Variants in EEPD1 observed in about 807,000 individuals in gnomAD.
The protein encoded by EEPD1 is endonuclease/exonuclease/phosphatase family domain containing 1.
A neutral mutation model predicts 46.3 loss-of-function variants in EEPD1; 17 were observed. That is an observed-to-expected ratio of 0.37 (90% CI 0.25 to 0.55). The LOEUF (loss-of-function observed/expected upper bound fraction) is 0.55. Ranked by LOEUF, EEPD1 falls within the 20% of genes least tolerant of loss-of-function variation. EEPD1 has a pLI of 0.83. For synonymous variants in EEPD1, 313 were observed against 315.6 expected, an observed-to-expected ratio of 0.99 and a Z score of 0.09; for missense variants, 673 against 745.6, an observed-to-expected ratio of 0.90 and a Z score of 1.13.
chr7:36,165,745 C>CATACTTAGAA (rs1784973118), intron 2 of EEPD1, among the ~76,000 whole-genome samples: 1 of 151,860 alleles, frequency 6.6e-6, no homozygotes, highest in Non-Finnish European at 1.5e-5. Flanking sequence ...CCCTAATGAT[C>CATACTTAGAA]CATTTCTTAG....
intron 2 of EEPD1, among the ~76,000 whole-genome samples, chr7:36,222,844 T>A (rs1470404279): frequency 6.6e-6 from 1 of 152,172 alleles, no homozygotes; most frequent in African/African-American, 2.4e-5. Flanking sequence ...CCTCACCTCC[T>A]AATGCCATCA....
At chr7:36,166,555 TACAA>T (rs36105929) in intron 2 of EEPD1, among the ~76,000 whole-genome samples, 42 of 151,698 alleles carry the variant, frequency 2.8e-4, no homozygotes, top group African/African-American at 9.7e-4. Flanking sequence ...ACCCCTTCTC[TACAA>T]ACAAACAAAC....
chr7:36,287,765 GA>G lies in EEPD1; in HGVS notation c.1306del (p.Thr436ProfsTer2). The G allele has an allele frequency of 6.2e-7, 1 of 1,613,906 alleles. No individual in the cohort carries two copies. Among genetic ancestry groups the G allele is most frequent in the Non-Finnish European group, 8.5e-7 (1 of 1,179,854 alleles). ...GGCGAGCTTTGCACAGACCCTACAG[GA>G]AACCCTGAAAGGTAGGACATTGTCT... ...RLASFAQTLQ[E>X]TLKGEKDVII... On this transcript the variant is annotated frameshift_variant, in exon 6 of 8. Coordinates refer to ENST00000242108, the MANE Select transcript of EEPD1 (RefSeq NM_030636.3). LOFTEE classifies it high-confidence loss of function.
At chr7:36,242,726 C>T (rs1039508573) in intron 3 of EEPD1, among the ~76,000 whole-genome samples, 2 of 146,598 alleles carry the variant, frequency 1.4e-5, no homozygotes, top group Non-Finnish European at 3.0e-5. Context: ...AGTTCGAGAC[C>T]AGTCTGACCA....
In EEPD1 at chr7:36,257,836, A is replaced by G. The variant is rs187900294; in HGVS notation, c.930+18800A>G. Among the ~76,000 whole-genome samples the G allele has an allele frequency of 2.7e-4, 41 of 152,290 alleles. No homozygotes were observed. The East Asian group carries it at 6.8e-3, about 25-fold the overall frequency. ...GAAGCCTACTTCTGTCAGTTCGTCA[A>G]ACTCAATTTCTGTCCAGTTTTGTTC... On this transcript the variant is annotated intron_variant, in intron 3 of 7. Coordinates refer to ENST00000242108, the MANE Select transcript of EEPD1 (RefSeq NM_030636.3).
intron 2 of EEPD1, among the ~76,000 whole-genome samples, chr7:36,179,697 T>TAAAAAAAA (rs56263813): frequency 1.2e-5 from 1 of 85,468 alleles, no homozygotes; most frequent in Non-Finnish European, 2.3e-5. Context: ...CTGTCTCTAC[T>TAAAAAAAA]AAAAAAAAAA....
At chr7:36,253,971 T>C (rs1786788781) in intron 3 of EEPD1, among the ~76,000 whole-genome samples, 1 of 152,130 alleles carries the variant, frequency 6.6e-6, no homozygotes, top group Non-Finnish European at 1.5e-5. Flanking sequence ...ATTTTATCTC[T>C]TGTTTTCTGT....
chr7:36,272,435 C>T (rs1416852437), intron 3 of EEPD1, among the ~76,000 whole-genome samples: 1 of 152,012 alleles, frequency 6.6e-6, no homozygotes, highest in African/African-American at 2.4e-5. Flanking sequence ...TCAGTCTCCA[C>T]AAACTTGCCA....
chr7:36,240,451 G>A (rs976211816), intron 3 of EEPD1, among the ~76,000 whole-genome samples: 5 of 152,208 alleles, frequency 3.3e-5, no homozygotes, highest in African/African-American at 7.2e-5. Flanking sequence ...GCTGCTGCCT[G>A]ACCTCAGAGA....
chr7:36,274,698 G>A (rs1167721003), intron 3 of EEPD1, among the ~76,000 whole-genome samples: 1 of 152,110 alleles, frequency 6.6e-6, no homozygotes, highest in African/African-American at 2.4e-5. Context: ...TCCTAATGCT[G>A]TCCCTCCATT....
chr7:36,246,180 G>A lies in EEPD1; in HGVS notation c.930+7144G>A, dbSNP rs564349646. On this transcript the variant is annotated intron_variant, in intron 3 of 7. Coordinates refer to ENST00000242108, the MANE Select transcript of EEPD1 (RefSeq NM_030636.3). The stretch of plus-strand genomic sequence containing the variant: ...CTGAGAAGCTGCCTGTGTGAGCTGG[G>A]CCCTCAGGAGACACAGGCCACCCAC... Among the ~76,000 whole-genome samples, 22 of 152,220 alleles carry A rather than the reference G, an allele frequency of 1.4e-4. No individual in the cohort carries two copies. In the East Asian group the frequency reaches 3.9e-3, roughly 27 times the overall value.
chr7:36,247,238 G>A (rs1239380632), intron 3 of EEPD1, among the ~76,000 whole-genome samples: 2 of 152,124 alleles, frequency 1.3e-5, no homozygotes, highest in Non-Finnish European at 2.9e-5. Context: ...GGAATTTTCA[G>A]AAGGAAAGAG....
At chr7:36,176,847 T>C (rs1476855100) in intron 2 of EEPD1, among the ~76,000 whole-genome samples, 1 of 152,188 alleles carries the variant, frequency 6.6e-6, no homozygotes, top group East Asian at 1.9e-4. Flanking sequence ...GGCATAAAGT[T>C]ATACAAACTA....
At chr7:36,284,574 C>A in intron 4 of EEPD1, 112 bp from the exon 5 acceptor site, 1 of 1,359,912 alleles carries the variant, frequency 7.4e-7, no homozygotes, top group African/African-American at 1.5e-5. Context: ...TTAGAAACAG[C>A]TTGAGCCAGA....
chr7:36,165,051 A>G (rs531125408), intron 2 of EEPD1, among the ~76,000 whole-genome samples: 1,413 of 136,278 alleles, frequency 0.01, 18 homozygotes, highest in African/African-American at 0.037. Flanking sequence ...GAAAGAAAAA[A>G]CTTTTAATTT....
chr7:36,213,875 T>C (rs1479637890), intron 2 of EEPD1, among the ~76,000 whole-genome samples: 2 of 152,164 alleles, frequency 1.3e-5, no homozygotes, highest in Non-Finnish European at 2.9e-5. Flanking sequence ...TGTTCATCAC[T>C]GTTGTCTACA....
In EEPD1 at chr7:36,155,057, C is replaced by A; in HGVS notation, c.733C>A (p.Arg245=). The change falls in exon 2 of 8, where the codon CGG becomes AGG. Residue 245 remains arginine, a synonymous_variant. Transcript: ENST00000242108. The stretch of plus-strand genomic sequence containing the variant: ...GGGGCCCACCCAGATTATCTCCACT[C>A]GGCCGTCCGTGGAGGCCTTTGGAGG... ...PGGPTQIIST[R]PSVEAFGGTR... 6.3e-7 allele frequency: 1 copy of A among 1,597,248 alleles called. No individual in the cohort carries two copies. Among genetic ancestry groups the A allele is most frequent in the Non-Finnish European group, 8.5e-7 (1 of 1,170,258 alleles).
intron 2 of EEPD1, among the ~76,000 whole-genome samples, chr7:36,207,819 G>A (rs929439873): frequency 6.6e-6 from 1 of 151,620 alleles, no homozygotes; most frequent in Non-Finnish European, 1.5e-5. Context: ...CTTAGAAGAA[G>A]AGTCACCATT....
chr7:36,291,210 C>G (rs1787424560), intron 6 of EEPD1, among the ~76,000 whole-genome samples: 1 of 152,218 alleles, frequency 6.6e-6, no homozygotes, highest in African/African-American at 2.4e-5. Context: ...GCATCTTTCT[C>G]TTTGTTCCTT....
Sources: allele counts gnomAD v4.1 joint callset (sites outside exome capture counted in the v4.1 genomes callset), GRCh38; gene constraint gnomAD v4.1.1; transcripts MANE v1.5; gene names NCBI Gene and HGNC (gene_info 2026-07-23, HGNC 2026-07-21).